WDR70: variants seen among roughly 807,000 people sequenced by gnomAD.
WDR70 encodes the protein WD repeat-containing protein 70.
A neutral mutation model predicts 88.6 loss-of-function variants in WDR70; 53 were observed. The observed-to-expected ratio is 0.60, with a 90% confidence interval of 0.48 to 0.75. The LOEUF (loss-of-function observed/expected upper bound fraction) is 0.75. Ranked by LOEUF, WDR70 falls within the 30% of genes least tolerant of loss-of-function variation. The pLI is 0.00. For synonymous variants in WDR70, 280 were observed against 270.0 expected (o/e 1.04, Z -0.36); for missense variants, 610 against 823.2 (o/e 0.74, Z 3.17).
chr5:37,729,999 C>G (rs1163633864), intron 17 of WDR70, among the ~76,000 whole-genome samples: 3 of 152,096 alleles, frequency 2.0e-5, no homozygotes, highest in Admixed American at 1.3e-4. Context: ...TCTTACATCC[C>G]CGTATTTCCT....
At chr5:37,455,208 A>G (rs1346328342) in intron 7 of WDR70, among the ~76,000 whole-genome samples, 5 of 144,928 alleles carry the variant, frequency 3.4e-5, no homozygotes, top group African/African-American at 7.7e-5. Context: ...TCAGACTACT[A>G]TTTAAGACTA....
chr5:37,482,638 G>C (rs1476197873), intron 8 of WDR70, among the ~76,000 whole-genome samples: 5 of 152,194 alleles, frequency 3.3e-5, no homozygotes, highest in African/African-American at 1.2e-4. Context: ...AGTAGGTTTT[G>C]ACTTCTTGCT....
intron 10 of WDR70, among the ~76,000 whole-genome samples, chr5:37,691,767 T>C (rs937745419): frequency 6.6e-6 from 1 of 152,164 alleles, no homozygotes. Context: ...AGGAAAGATC[T>C]AAAATTGACA....
intron 9 of WDR70, among the ~76,000 whole-genome samples, chr5:37,563,053 C>A (rs866722433): frequency 2.5e-5 from 2 of 79,874 alleles, no homozygotes; most frequent in Non-Finnish European, 2.7e-5. Flanking sequence ...ACCTCCCGGA[C>A]GGGGCGGCTG....
intron 8 of WDR70, among the ~76,000 whole-genome samples, chr5:37,481,035 C>T (rs1712041053): frequency 6.6e-6 from 1 of 152,348 alleles, no homozygotes; most frequent in South Asian, 2.1e-4. Context: ...CCAAAATGAC[C>T]TCCTTTGACT....
At chr5:37,482,901 C>T (rs1168158589) in intron 8 of WDR70, among the ~76,000 whole-genome samples, 3 of 151,966 alleles carry the variant, frequency 2.0e-5, no homozygotes, top group Non-Finnish European at 4.4e-5. Context: ...AGAGAGAGAG[C>T]TGACATGCTG....
At chr5:37,644,155 T>G (rs1308220698) in intron 10 of WDR70, among the ~76,000 whole-genome samples, 2 of 152,044 alleles carry the variant, frequency 1.3e-5, no homozygotes, top group Non-Finnish European at 2.9e-5. Flanking sequence ...TGAGGTGTAT[T>G]CCTTCTATAC....
intron 14 of WDR70, 158 bp from the exon 15 acceptor site, chr5:37,722,697 C>G: frequency 1.6e-6 from 1 of 640,800 alleles, no homozygotes; most frequent in Admixed American, 2.6e-5. Context: ...GCTTTTATCA[C>G]TGAGAGCCCA....
intron 12 of WDR70, among the ~76,000 whole-genome samples, chr5:37,701,814 C>G (rs1241438820): frequency 1.3e-5 from 2 of 150,034 alleles, no homozygotes; most frequent in East Asian, 3.9e-4. Flanking sequence ...AAATTGAGCT[C>G]TAATACCTTC....
intron 9 of WDR70, among the ~76,000 whole-genome samples, chr5:37,565,758 A>T (rs903417771): frequency 2.6e-5 from 4 of 152,072 alleles, no homozygotes; most frequent in African/African-American, 9.7e-5. Context: ...TGTTTTGAAA[A>T]GTTGTTAGAA....
intron 10 of WDR70, among the ~76,000 whole-genome samples, chr5:37,669,181 G>A (rs1745948574): frequency 2.0e-5 from 3 of 152,060 alleles, no homozygotes; most frequent in Non-Finnish European, 4.4e-5. Flanking sequence ...AGTGTTGTGT[G>A]TATAACAGGT....
intron 9 of WDR70, among the ~76,000 whole-genome samples, chr5:37,590,325 C>A (rs1006251975): frequency 3.3e-5 from 5 of 152,154 alleles, no homozygotes; most frequent in Non-Finnish European, 7.3e-5. Context: ...GATCTGCCAT[C>A]TATATATTTG....
At chr5:37,675,898 C>T (rs1423691550) in intron 10 of WDR70, among the ~76,000 whole-genome samples, 3 of 152,094 alleles carry the variant, frequency 2.0e-5, no homozygotes, top group Non-Finnish European at 4.4e-5. Flanking sequence ...TTTGTATCCT[C>T]GTTTATTTCA....
At chr5:37,676,340 T>G (rs1233634522) in intron 10 of WDR70, among the ~76,000 whole-genome samples, 1 of 152,078 alleles carries the variant, frequency 6.6e-6, no homozygotes, top group Non-Finnish European at 1.5e-5. Context: ...CTTCCAGTTT[T>G]TGTCCATTCA....
intron 3 of WDR70, among the ~76,000 whole-genome samples, chr5:37,388,535 T>A (rs1044629734): frequency 2.7e-5 from 4 of 145,960 alleles, no homozygotes; most frequent in African/African-American, 1.0e-4. Context: ...AGGCCAGGAG[T>A]TCGAGACCAG....
intron 9 of WDR70, among the ~76,000 whole-genome samples, chr5:37,538,733 TG>T (rs1018827983): frequency 3.5e-4 from 53 of 152,326 alleles, no homozygotes; most frequent in African/African-American, 1.3e-3. Context: ...GCAGTCTTTT[TG>T]GTTCTCTTAA....
intron 3 of WDR70, among the ~76,000 whole-genome samples, chr5:37,386,755 C>T (rs1435547550): frequency 6.6e-6 from 1 of 151,990 alleles, no homozygotes; most frequent in African/African-American, 2.4e-5. Flanking sequence ...ACCTGTAATA[C>T]TGTCTTGTTA....
intron 5 of WDR70, among the ~76,000 whole-genome samples, chr5:37,415,056 C>A (rs900501833): frequency 9.9e-5 from 15 of 150,758 alleles, no homozygotes; most frequent in African/African-American, 3.7e-4. Context: ...CCATTTAACC[C>A]TGAGTGGACA....
rs779465225 is a variant in WDR70 at position 37,697,711 on chromosome 5, C to T, written c.1149C>T (p.Cys383=). The stretch of plus-strand genomic sequence containing the variant: ...ATGACTCGGGCACAGACACTTCTTG[C>T]GTGACTTTTTCCTATGATGGTAATG... ...QAHDSGTDTS[C]VTFSYDGNVL... is the part of the protein sequence containing the mutation. The change falls in exon 11 of 18, where the codon TGC becomes TGT. Residue 383 remains cysteine, a synonymous_variant. Coordinates refer to ENST00000265107, the MANE Select transcript of WDR70 (RefSeq NM_018034.4). The T allele has an allele frequency of 2.1e-5, 34 of 1,613,610 alleles. No homozygotes were observed. Among genetic ancestry groups the T allele is most frequent in the African/African-American group, 2.0e-4 (15 of 74,862 alleles).
Sources: allele counts gnomAD v4.1 joint callset (sites outside exome capture counted in the v4.1 genomes callset), GRCh38; gene constraint gnomAD v4.1.1; transcripts MANE v1.5; gene names NCBI Gene and HGNC (gene_info 2026-07-23, HGNC 2026-07-21).